Variants in ARIH2 observed in about 807,000 individuals in gnomAD.
ARIH2 encodes the protein E3 ubiquitin-protein ligase ARIH2.
ARIH2 carries 12 observed loss-of-function variants against 79.8 expected under a neutral mutation model. The observed-to-expected ratio is 0.15, with a 90% CI of 0.10 to 0.24. The LOEUF is 0.24. Ranked by LOEUF, ARIH2 falls within the 10% of genes least tolerant of loss-of-function variation. The pLI is 1.00. For missense variants in ARIH2, 301 were observed against 618.3 expected, an observed-to-expected ratio of 0.49 and a Z score of 5.44; for synonymous variants, 224 against 213.9, an observed-to-expected ratio of 1.05 and a Z score of -0.41.
Position 48,974,943 on chromosome 3 carries a change from G to A in ARIH2, c.940-15G>A. On this transcript the variant is annotated splice_polypyrimidine_tract_variant and intron_variant, in intron 10 of 15. Coordinates refer to ENST00000356401, the MANE Select transcript of ARIH2 (RefSeq NM_006321.4). ...GTGTGCCCTTAACGTGTTTTCTTCT[G>A]TTTCCCTCTGACAGCAATGCTCCAA... 1.2e-6 allele frequency: 2 copies of A among 1,614,188 alleles called. No individual in the cohort carries two copies. The highest frequency in any genetic ancestry group is 1.7e-6 in the Non-Finnish European group (2 of 1,180,024).
At chr3:48,950,365 A>G (rs2089792143) in intron 3 of ARIH2, among the ~76,000 whole-genome samples, 1 of 151,540 alleles carries the variant, frequency 6.6e-6, no homozygotes, top group Non-Finnish European at 1.5e-5. Flanking sequence ...TTTCTAAATG[A>G]TGTCTGTTGA....
chr3:48,948,241 G>A (rs2089474843), intron 3 of ARIH2, among the ~76,000 whole-genome samples: 1 of 151,780 alleles, frequency 6.6e-6, no homozygotes, highest in Non-Finnish European at 1.5e-5. Context: ...GATTACCGGC[G>A]TGAGCCACTG....
rs2092817675 is a variant in ARIH2, at chr3:48,983,343, A to G, written c.*73A>G. ...TCCCGGCTGCCATACTGCATGCTGCAGGCTCTGCCTTTCATGACCCCAGGC... is the reference window on the plus strand; with the variant it reads ...TCCCGGCTGCCATACTGCATGCTGCGGGCTCTGCCTTTCATGACCCCAGGC... On this transcript the variant is annotated 3_prime_UTR_variant, in exon 16 of 16. Transcript: ENST00000356401. 1 of 1,504,780 alleles carries G rather than the reference A, an allele frequency of 6.6e-7. No individual in the cohort carries two copies. The highest frequency in any genetic ancestry group is 2.3e-5 in the East Asian group (1 of 44,370). The allele number at this position is 1,504,780 out of a possible 1,614,324, so 93.2% of individuals were successfully genotyped here.
chr3:48,959,666 A>AG (rs1349150143), intron 3 of ARIH2, among the ~76,000 whole-genome samples: 1 of 150,906 alleles, frequency 6.6e-6, no homozygotes, highest in East Asian at 1.9e-4. Flanking sequence ...AAAAAAAAAA[A>AG]AAAAAAAAAG....
chr3:48,935,561 A>G (rs1228485010), intron 3 of ARIH2, among the ~76,000 whole-genome samples: 2 of 152,174 alleles, frequency 1.3e-5, no homozygotes, highest in Non-Finnish European at 2.9e-5. Flanking sequence ...TAGTGGTCAG[A>G]TGATTGGGTT....
intron 6 of ARIH2, 138 bp downstream of exon 6, chr3:48,967,413 A>G (rs965726763): frequency 1.4e-5 from 13 of 945,840 alleles, no homozygotes; most frequent in East Asian, 1.3e-4. Context: ...GTGATTTTCA[A>G]ATACATCCAT....
At position 48,959,649 on chromosome 3, in the gene ARIH2, C is replaced by CAAAAAAAAAAAAA. The variant is rs71077758; in HGVS notation, c.256-1949_256-1937dup. Among the ~76,000 whole-genome samples the CAAAAAAAAAAAAA allele has an allele frequency of 2.1e-3, 105 of 50,104 alleles. 1 individual carries two copies. The highest frequency in any genetic ancestry group is 2.5e-3 in the African/African-American group (27 of 10,716). 32.9% of individuals were successfully genotyped at this position (50,104 alleles called of 152,430 possible). On this transcript the variant is annotated intron_variant, in intron 3 of 15. Transcript: ENST00000356401. ...AAACCCCGTCTCTACTAAAAAATAC[C>CAAAAAAAAAAAAA]AAAAAAAAAAAAAAAAAAAAAAAAA...
In ARIH2 at chr3:48,981,825, T is replaced by C. The variant is rs1234134825; in HGVS notation, c.1326+97T>C. On this transcript the variant is annotated intron_variant, in intron 14 of 15. Transcript: ENST00000356401. Reference sequence around the variant, plus strand: ...GAGAGTGAGGACCAGACCTTGGTCATTGGGAGGGCAAAGTTAAAACAAAAC... The same window carrying C: ...GAGAGTGAGGACCAGACCTTGGTCACTGGGAGGGCAAAGTTAAAACAAAAC... The C allele has an allele frequency of 5.1e-6, 5 of 976,554 alleles. No individual in the cohort carries two copies. The East Asian group carries it at 7.5e-5, about 15-fold the overall frequency. The allele number at this position is 976,554 out of a possible 1,614,324, so 60.5% of individuals were successfully genotyped here. A position where few individuals can be genotyped will look rare whatever the true frequency, so the allele number is the denominator to read the frequency against.
At chr3:48,963,091 C>G (rs186771788) in intron 4 of ARIH2, among the ~76,000 whole-genome samples, 2 of 152,208 alleles carry the variant, frequency 1.3e-5, no homozygotes, top group East Asian at 3.9e-4. Flanking sequence ...TTTCCTTCTC[C>G]GGGCTGAACA....
chr3:48,967,176 C>A lies in ARIH2; in HGVS notation c.439C>A (p.Arg147=). Residue 147 remains arginine, a synonymous_variant, in exon 6 of 16, where the codon CGA becomes AGA. Transcript: ENST00000356401. ...HHCAVCMQFV[R]KENLLSLACQ... ...CTGTGCAGTGTGTATGCAGTTTGTG[C>A]GAAAGGAAAACCTACTCTCTCTGGC... The A allele has an allele frequency of 2.5e-6, 4 of 1,614,138 alleles. No homozygotes were observed. The highest frequency in any genetic ancestry group is 3.4e-6 in the Non-Finnish European group (4 of 1,180,018).
chr3:48,918,943 C>G lies in ARIH2; in HGVS notation c.-217C>G, dbSNP rs767060066. 1.9e-6 allele frequency: 3 copies of G among 1,560,838 alleles called. No individual in the cohort carries two copies. Among genetic ancestry groups the G allele is most frequent in the Non-Finnish European group, 2.6e-6 (3 of 1,161,324 alleles). On this transcript the variant is annotated 5_prime_UTR_variant, in exon 1 of 16. Coordinates refer to ENST00000356401, the MANE Select transcript of ARIH2 (RefSeq NM_006321.4). The stretch of plus-strand genomic sequence containing the variant: ...TCGCCCCAATCCGGTCCCTCTGGCC[C>G]GGCCTGACCCGGTCTGGCTTGTTCG...
chr3:48,974,601 G>A (rs1420195135), intron 9 of ARIH2: 1 of 599,266 alleles, frequency 1.7e-6, no homozygotes, highest in Non-Finnish European at 3.0e-6. Flanking sequence ...GTGGGGTTCA[G>A]CTGGTGCTTG....
chr3:48,983,191 T>G lies in ARIH2; in HGVS notation c.1411-8T>G. The G allele has an allele frequency of 6.2e-7, 1 of 1,614,222 alleles. No homozygotes were observed. Among genetic ancestry groups the G allele is most frequent in the Non-Finnish European group, 8.5e-7 (1 of 1,180,026 alleles). On this transcript the variant is annotated splice_polypyrimidine_tract_variant and splice_region_variant and intron_variant, in intron 15 of 15. Transcript: ENST00000356401. ...CATGCAAGCACACACCTTGTTTCTC[T>G]GATGCAGGACTTGGAGAACCAGATG...
chr3:48,925,079 C>T (rs2085367474), intron 2 of ARIH2: 1 of 151,592 alleles, frequency 6.6e-6, no homozygotes, highest in Non-Finnish European at 1.5e-5. Context: ...ATCTGGCCAC[C>T]TTGGTCTCCC....
intron 1 of ARIH2, chr3:48,919,279 C>T (rs1376974932): frequency 2.2e-5 from 25 of 1,111,696 alleles, no homozygotes; most frequent in Non-Finnish European, 2.9e-5. Flanking sequence ...GGCCCTCTCT[C>T]CCTGTCTGGC....
At position 48,941,896 on chromosome 3, in the gene ARIH2, T is replaced by TTTTG. The variant is rs774000912; in HGVS notation, c.255+14088_255+14091dup. ...CCGCCCGATTTTTCTTTTCTTTTTT[T>TTTTG]TTTGTTTGAGATGAAGTCTCATTCT... On this transcript the variant is annotated intron_variant, in intron 3 of 15. Coordinates refer to ENST00000356401, the MANE Select transcript of ARIH2 (RefSeq NM_006321.4). Among the ~76,000 whole-genome samples the TTTTG allele has an allele frequency of 1.2e-4, 18 of 151,986 alleles. No individual in the cohort carries two copies. In the East Asian group the frequency reaches 2.5e-3, roughly 21 times the overall value.
intron 3 of ARIH2, among the ~76,000 whole-genome samples, chr3:48,933,728 T>C (rs1235160559): frequency 5.3e-5 from 8 of 151,600 alleles, no homozygotes; most frequent in Non-Finnish European, 1.0e-4. Flanking sequence ...TTTTTTTGTA[T>C]TTTTAGTAGA....
chr3:48,949,137 A>G (rs527825318), intron 3 of ARIH2: 5 of 448,876 alleles, frequency 1.1e-5, no homozygotes, highest in Admixed American at 4.8e-5. Flanking sequence ...TTTATTTTTG[A>G]GACGGAGTCG....
chr3:48,949,014 C>T (rs1415226338), intron 3 of ARIH2: 1 of 455,596 alleles, frequency 2.2e-6, no homozygotes, highest in African/African-American at 2.0e-5. Flanking sequence ...CTGCTGTGAC[C>T]ATTCATGGCC....
Sources: allele counts gnomAD v4.1 joint callset (sites outside exome capture counted in the v4.1 genomes callset), GRCh38; gene constraint gnomAD v4.1.1; transcripts MANE v1.5; gene names NCBI Gene and HGNC (gene_info 2026-07-23, HGNC 2026-07-21).